The following GRAP2 variants were observed in gnomAD, a reference collection of about 807,000 sequenced individuals.
GRAP2 encodes the protein GRB2 related adaptor protein 2.
A neutral mutation model predicts 43.5 loss-of-function variants in GRAP2; 31 were observed. That is an observed-to-expected ratio of 0.71 (90% CI 0.54 to 0.96). The LOEUF is 0.96. Among genes scored for constraint, GRAP2 ranks in the 40% least tolerant of loss-of-function variants. The probability of loss-of-function intolerance (pLI) is 0.00; values close to 1 mark genes in which losing one functional copy is unlikely to be tolerated. For missense variants in GRAP2, 371 were observed against 424.4 expected (o/e 0.87, Z 1.11); for synonymous variants, 156 against 164.8 (o/e 0.95, Z 0.41).
intron 2 of GRAP2, among the ~76,000 whole-genome samples, chr22:39,952,958 A>G (rs1212589445): frequency 2.0e-5 from 3 of 152,176 alleles, no homozygotes; most frequent in Admixed American, 1.3e-4. Context: ...CCAAGATCAC[A>G]TATCTAGTGA....
At chr22:39,925,154 T>C (rs1328471902) in intron 1 of GRAP2, among the ~76,000 whole-genome samples, 1 of 152,114 alleles carries the variant, frequency 6.6e-6, no homozygotes, top group Non-Finnish European at 1.5e-5. Flanking sequence ...ATTAAGAGAT[T>C]TTGAGTAGAA....
At chr22:39,959,511 C>T (rs2067093447) in intron 3 of GRAP2, among the ~76,000 whole-genome samples, 1 of 152,136 alleles carries the variant, frequency 6.6e-6, no homozygotes, top group African/African-American at 2.4e-5. Context: ...CCCCCTTGTG[C>T]TCCATGCCAG....
upstream of GRAP2, among the ~76,000 whole-genome samples, chr22:39,900,863 G>A (rs1204606942): frequency 2.0e-5 from 3 of 152,190 alleles, no homozygotes; most frequent in Non-Finnish European, 4.4e-5. Flanking sequence ...TCAGCTTGCT[G>A]ATGGACCATA....
chr22:39,914,460 A>G (rs924709839), intron 1 of GRAP2, among the ~76,000 whole-genome samples: 1 of 133,350 alleles, frequency 7.5e-6, no homozygotes. Context: ...AGTTCTAGAG[A>G]AGGCATCATA....
intron 1 of GRAP2, among the ~76,000 whole-genome samples, chr22:39,910,444 T>G (rs2066553017): frequency 6.6e-6 from 1 of 152,114 alleles, no homozygotes; most frequent in Non-Finnish European, 1.5e-5. Context: ...AGTCTCGCTC[T>G]GTCGCCCAGG....
upstream of GRAP2, among the ~76,000 whole-genome samples, chr22:39,896,836 T>C (rs2066468050): frequency 6.6e-6 from 1 of 152,200 alleles, no homozygotes; most frequent in Non-Finnish European, 1.5e-5. Flanking sequence ...AATACAAATA[T>C]TGCTCTATGG....
chr22:39,927,532 C>T (rs1347650618), intron 1 of GRAP2, among the ~76,000 whole-genome samples: 1 of 152,220 alleles, frequency 6.6e-6, no homozygotes, highest in East Asian at 1.9e-4. Context: ...ATGCAGGCTG[C>T]ATCTTTTCTT....
At chr22:39,925,974 C>T (rs777008217) in intron 1 of GRAP2, among the ~76,000 whole-genome samples, 5 of 152,328 alleles carry the variant, frequency 3.3e-5, no homozygotes, top group South Asian at 2.1e-4. Context: ...ACCAAGCTTC[C>T]TCCTTGGAGC....
upstream of GRAP2, among the ~76,000 whole-genome samples, chr22:39,899,413 C>G (rs2145560218): frequency 6.6e-6 from 1 of 152,250 alleles, no homozygotes; most frequent in South Asian, 2.1e-4. Context: ...AAACCATCGA[C>G]TTGGGAGCTA....
intron 3 of GRAP2, among the ~76,000 whole-genome samples, chr22:39,956,408 C>T (rs1337353209): frequency 6.6e-6 from 1 of 152,116 alleles, no homozygotes; most frequent in African/African-American, 2.4e-5. Flanking sequence ...TCTGCCGCCT[C>T]AGCCTCCCAA....
intron 1 of GRAP2, among the ~76,000 whole-genome samples, chr22:39,928,521 G>A (rs896179842): frequency 1.3e-5 from 2 of 152,192 alleles, no homozygotes; most frequent in Non-Finnish European, 2.9e-5. Context: ...TTAGTAAGCT[G>A]AATTGATTAA....
At position 39,960,175 on chromosome 22, in the gene GRAP2, G is replaced by A; in HGVS notation, c.290+1G>A. Reference sequence around the variant, plus strand: ...CAGGGGACTTCTCCATCTCTGTCAGGTACTGACCATTCCTGACACTGCCTT... The same window carrying A: ...CAGGGGACTTCTCCATCTCTGTCAGATACTGACCATTCCTGACACTGCCTT... On this transcript the variant is annotated splice_donor_variant, in intron 4 of 7. Coordinates refer to ENST00000344138, the MANE Select transcript of GRAP2 (RefSeq NM_004810.4). LOFTEE classifies it high-confidence loss of function. The A allele has an allele frequency of 6.2e-7, 1 of 1,613,488 alleles. No homozygotes were observed.
chr22:39,914,485 T>A (rs2066589133), intron 1 of GRAP2, among the ~76,000 whole-genome samples: 1 of 21,538 alleles, frequency 4.6e-5, no homozygotes, highest in African/African-American at 1.6e-3. Flanking sequence ...CCTGTGGATT[T>A]TTCATTTCGA....
intron 1 of GRAP2, among the ~76,000 whole-genome samples, chr22:39,937,326 T>A (rs1301458097): frequency 6.6e-6 from 1 of 152,128 alleles, no homozygotes; most frequent in Non-Finnish European, 1.5e-5. Context: ...CCTGGTCAGT[T>A]TTCTGTTTCT....
chr22:39,912,439 T>TG (rs2066573818), intron 1 of GRAP2, among the ~76,000 whole-genome samples: 2 of 152,260 alleles, frequency 1.3e-5, no homozygotes, highest in African/African-American at 4.8e-5. Context: ...AAAGTACTCT[T>TG]GCCTTTCTGG....
intron 4 of GRAP2, among the ~76,000 whole-genome samples, chr22:39,961,677 G>C (rs570925815): frequency 6.6e-5 from 10 of 152,224 alleles, no homozygotes; most frequent in Non-Finnish European, 1.0e-4. Context: ...CGCAAGTCAC[G>C]TATCAGACTT....
chr22:39,964,709 C>T (rs1775396690), intron 4 of GRAP2: 6 of 306,558 alleles, frequency 2.0e-5, no homozygotes, highest in African/African-American at 6.7e-5. Context: ...TAAGAATAAA[C>T]TTTTGTAAAA....
rs1480480061 is a variant in GRAP2, at chr22:39,957,552, T to C, written c.170+1642T>C. On this transcript the variant is annotated intron_variant, in intron 3 of 7. Coordinates refer to ENST00000344138, the MANE Select transcript of GRAP2 (RefSeq NM_004810.4). Reference sequence around the variant, plus strand: ...CTCTCTCTCTTCCACGTCAACCTCCTTTCCCTCTCTGCTGGATCATTCCTG... The same window carrying C: ...CTCTCTCTCTTCCACGTCAACCTCCCTTCCCTCTCTGCTGGATCATTCCTG... Among the ~76,000 whole-genome samples, 3 of 152,164 alleles carry C rather than the reference T, an allele frequency of 2.0e-5. No homozygotes were observed. In the East Asian group the frequency reaches 5.8e-4, roughly 29 times the overall value.
the GRAP2 span, among the ~76,000 whole-genome samples, chr22:39,895,359 A>T: frequency 6.6e-6 from 1 of 152,214 alleles, no homozygotes; most frequent in African/African-American, 2.4e-5. Flanking sequence ...AATCCAATAT[A>T]AAATGATAGG....
Sources: gnomAD v4.1 joint callset for allele counts (sites outside exome capture counted in the v4.1 genomes callset) on GRCh38, gnomAD v4.1.1 for gene constraint, MANE v1.5 for transcripts, NCBI Gene and HGNC (gene_info 2026-07-23, HGNC 2026-07-21) for gene names.